The following IL36G variants were observed in gnomAD, a reference collection of about 807,000 sequenced individuals.
IL36G encodes the protein interleukin-36 gamma.
IL36G carries 10 observed loss-of-function variants against 13.5 expected under a neutral mutation model. The observed-to-expected ratio is 0.74, with a 90% CI of 0.46 to 1.26. The LOEUF (loss-of-function observed/expected upper bound fraction) is 1.26, where lower values mean the gene tolerates loss of function less well. IL36G is among the 50% of genes most tolerant of loss of function. The pLI is 0.00. For missense variants in IL36G, 199 were observed against 203.0 expected (o/e 0.98, Z 0.12); for synonymous variants, 84 against 74.0 (o/e 1.13, Z -0.69).
chr2:112,981,772 T>C (rs1431933729), intron 4 of IL36G, among the ~76,000 whole-genome samples: 1 of 152,248 alleles, frequency 6.6e-6, no homozygotes, highest in Non-Finnish European at 1.5e-5. Context: ...CATGGTTACA[T>C]TTTCAGTGTT....
chr2:112,985,578 C>T lies in IL36G; in HGVS notation c.*529C>T, dbSNP rs558998968. 3 of 152,792 alleles carry T rather than the reference C, an allele frequency of 2.0e-5. No individual in the cohort carries two copies. The East Asian group carries it at 5.8e-4, about 29-fold the overall frequency. 9.5% of individuals were successfully genotyped at this position (152,792 alleles called of 1,614,324 possible). On this transcript the variant is annotated 3_prime_UTR_variant, in exon 5 of 5. Coordinates refer to ENST00000259205, the MANE Select transcript of IL36G (RefSeq NM_019618.4). ...TGTGTTAAGTTAAATCATTTTTGTC[C>T]TAATTGTAATGTGTAATCTTAAAGT...
intron 4 of IL36G, among the ~76,000 whole-genome samples, chr2:112,982,632 A>G (rs1277701665): frequency 1.3e-5 from 2 of 152,088 alleles, no homozygotes; most frequent in Non-Finnish European, 2.9e-5. Flanking sequence ...TAAGTGGAGG[A>G]AACAGGATTG....
rs764365310 is a variant in IL36G, at chr2:112,980,098, ATG to A, written c.254_255del (p.Cys85PhefsTer4). The A allele has an allele frequency of 8.1e-6, 13 of 1,614,134 alleles. No homozygotes were observed. In the South Asian group the frequency reaches 1.4e-4, roughly 18 times the overall value. On this transcript the variant is annotated frameshift_variant, in exon 4 of 5. Coordinates refer to ENST00000259205, the MANE Select transcript of IL36G (RefSeq NM_019618.4). LOFTEE classifies it low-confidence loss of function (END_TRUNC). ...TTATTTGGGAATCCAGAATCCAGAAATGTGTTTGTATTGTGAGAAGGTTGGAG... is the reference window on the plus strand; with the variant it reads ...TTATTTGGGAATCCAGAATCCAGAAATGTTTGTATTGTGAGAAGGTTGGAG... ...PIYLGIQNPE[M>X]CLYCEKVGEQ... is the part of the protein sequence containing the mutation.
At chr2:112,979,928 T>G in intron 3 of IL36G, 81 bp from the exon 4 acceptor site, 1 of 1,415,680 alleles carries the variant, frequency 7.1e-7, no homozygotes, top group Admixed American at 1.9e-5. Flanking sequence ...CAGATCCACT[T>G]GAGGATACTG....
chr2:112,978,173 G>C (rs1020157970), intron 1 of IL36G, 95 bp downstream of exon 1: 9 of 177,934 alleles, frequency 5.1e-5, no homozygotes, highest in Non-Finnish European at 9.6e-5. Flanking sequence ...GCCACATCAG[G>C]CTGGCTCTGT....
At chr2:112,983,372 GAATA>G (rs1684300307) in intron 4 of IL36G, among the ~76,000 whole-genome samples, 1 of 152,168 alleles carries the variant, frequency 6.6e-6, no homozygotes, top group South Asian at 2.1e-4. Context: ...TGGGATTGAT[GAATA>G]AATACGCTAA....
intron 4 of IL36G, among the ~76,000 whole-genome samples, chr2:112,984,548 T>G (rs1387329625): frequency 6.6e-6 from 1 of 152,292 alleles, no homozygotes; most frequent in East Asian, 1.9e-4. Context: ...CACCTCAGCC[T>G]CTTGTGTGAG....
intron 4 of IL36G, among the ~76,000 whole-genome samples, chr2:112,980,693 G>A (rs921279813): frequency 1.3e-5 from 2 of 152,246 alleles, no homozygotes; most frequent in Non-Finnish European, 2.9e-5. Context: ...TTTGACAGGT[G>A]CCATCTCAGT....
chr2:112,981,175 T>A, intron 4 of IL36G: 8 of 1,188,272 alleles, frequency 6.7e-6, no homozygotes, highest in Non-Finnish European at 9.9e-6. Context: ...ACTTGGCATC[T>A]GCAGCACCTT....
intron 3 of IL36G, 105 bp from the exon 4 acceptor site, chr2:112,979,904 C>A: frequency 1.8e-6 from 2 of 1,121,802 alleles, no homozygotes; most frequent in South Asian, 1.5e-5. Context: ...GGATTACACT[C>A]TTCAGCTCTC....
intron 1 of IL36G, 102 bp from the exon 2 acceptor site, chr2:112,978,518 T>A: frequency 1.1e-6 from 1 of 924,690 alleles, no homozygotes. Flanking sequence ...TCAGGCCAGG[T>A]TTCCCAGCTC....
In IL36G at chr2:112,979,310, G is replaced by A; in HGVS notation, c.145G>A (p.Asp49Asn). ...GAACCTTGTGGCAGTTCCACGAAGTGACAGTGTGACCCCAGGTGAGTGGTC... is the reference window on the plus strand; with the variant it reads ...GAACCTTGTGGCAGTTCCACGAAGTAACAGTGTGACCCCAGGTGAGTGGTC... ...GQNLVAVPRS[D>N]SVTPVTVAVI... The change falls in exon 3 of 5, where the codon GAC (aspartate) becomes AAC (asparagine). Residue 49 changes from aspartate (D) to asparagine (N), a missense_variant. Physicochemically the swap from Asp to Asn is conservative, Grantham distance 23 (BLOSUM62 1). Coordinates refer to ENST00000259205, the MANE Select transcript of IL36G (RefSeq NM_019618.4). The A allele has an allele frequency of 6.2e-7, 1 of 1,608,214 alleles. No homozygotes were observed. The highest frequency in any genetic ancestry group is 8.5e-7 in the Non-Finnish European group (1 of 1,174,580).
Position 112,985,123 on chromosome 2 carries a change from CT to C in IL36G, c.*76del. On this transcript the variant is annotated 3_prime_UTR_variant, in exon 5 of 5. Transcript: ENST00000259205. ...CCCAATGTGTTTTCGTCTACATTTT[CT>C]TAGTGTCATTTTCACGCTGGTGCTG... 2 of 1,062,882 alleles carry C rather than the reference CT, an allele frequency of 1.9e-6. No individual in the cohort carries two copies. Among genetic ancestry groups the C allele is most frequent in the Non-Finnish European group, 2.8e-6 (2 of 719,760 alleles). 65.8% of individuals were successfully genotyped at this position (1,062,882 alleles called of 1,614,324 possible). A position where few individuals can be genotyped will look rare whatever the true frequency, so the allele number is the denominator to read the frequency against.
At chr2:112,980,420 T>A (rs1684242073) in intron 4 of IL36G, among the ~76,000 whole-genome samples, 1 of 152,148 alleles carries the variant, frequency 6.6e-6, no homozygotes, top group African/African-American at 2.4e-5. Context: ...TCAGGCAGGA[T>A]ATGGGCAGAC....
At chr2:112,982,598 G>T (rs189383289) in intron 4 of IL36G, among the ~76,000 whole-genome samples, 9 of 152,300 alleles carry the variant, frequency 5.9e-5, no homozygotes, top group Non-Finnish European at 1.3e-4. Context: ...GTGGGGAGCA[G>T]TGAGTCAGAT....
intron 2 of IL36G, among the ~76,000 whole-genome samples, chr2:112,979,003 A>G (rs1344410493): frequency 6.6e-6 from 1 of 152,216 alleles, no homozygotes; most frequent in Non-Finnish European, 1.5e-5. Flanking sequence ...CTCTTAAACC[A>G]GTGACTTCCC....
intron 2 of IL36G, 77 bp from the exon 3 acceptor site, chr2:112,979,144 A>C (rs545289931): frequency 2.2e-6 from 2 of 910,100 alleles, no homozygotes; most frequent in Non-Finnish European, 3.6e-6. Context: ...GGCCTGGGTT[A>C]GATACTTTTC....
chr2:112,978,546 C>T (rs1684204410), intron 1 of IL36G, 74 bp from the exon 2 acceptor site: 5 of 1,154,988 alleles, frequency 4.3e-6, no homozygotes, highest in Non-Finnish European at 5.2e-6. Context: ...AGAATGAGGG[C>T]CTGTGGAGCT....
In IL36G at chr2:112,985,098, C is replaced by A; in HGVS notation, c.*49C>A. 7.3e-7 allele frequency: 1 copy of A among 1,374,710 alleles called. No individual in the cohort carries two copies. Among genetic ancestry groups the A allele is most frequent in the South Asian group, 1.2e-5 (1 of 82,406 alleles). 85.2% of individuals were successfully genotyped at this position (1,374,710 alleles called of 1,614,324 possible). On this transcript the variant is annotated 3_prime_UTR_variant, in exon 5 of 5. Transcript: ENST00000259205. ...GGTCTTTGTCTTAAAGTTTCTGGTT[C>A]CCAATGTGTTTTCGTCTACATTTTC...
Sources: gnomAD v4.1 joint callset for allele counts (sites outside exome capture counted in the v4.1 genomes callset) on GRCh38, gnomAD v4.1.1 for gene constraint, MANE v1.5 for transcripts, NCBI Gene and HGNC (gene_info 2026-07-23, HGNC 2026-07-21) for gene names.